ANKS1B: variants seen among roughly 807,000 people sequenced by gnomAD.
ANKS1B encodes the protein ankyrin repeat and sterile alpha motif domain containing 1B.
ANKS1B carries 36 observed loss-of-function variants against 148.3 expected under a neutral mutation model. The ratio of observed to expected loss-of-function variants is 0.24; its 90% CI spans 0.19 to 0.32. The LOEUF is 0.32. Ranked by LOEUF, ANKS1B falls within the 10% of genes least tolerant of loss-of-function variation. ANKS1B has a pLI of 1.00. For missense variants in ANKS1B, 1,157 were observed against 1,542.6 expected (o/e 0.75, Z 4.19); for synonymous variants, 542 against 560.8 (o/e 0.97, Z 0.47).
rs386377539 is a variant in ANKS1B, at chr12:99,088,838, G to GTTTTTTTTT, written c.2527-3824_2527-3816dup. Among the ~76,000 whole-genome samples the GTTTTTTTTT allele has an allele frequency of 7.7e-3, 535 of 69,826 alleles. 19 individuals are homozygous for GTTTTTTTTT. Among genetic ancestry groups the GTTTTTTTTT allele is most frequent in the Middle Eastern group, 0.014 (1 of 70 alleles). 45.8% of individuals were successfully genotyped at this position (69,826 alleles called of 152,430 possible). A position where few individuals can be genotyped will look rare whatever the true frequency, so the allele number is the denominator to read the frequency against. ...GCTAGCAAATCTCAGTTTAACTTCT[G>GTTTTTTTTT]TTTTTTTTTTTTTTTTTTTTTTTTG... On this transcript the variant is annotated intron_variant, in intron 15 of 26. Coordinates refer to ENST00000683438, the MANE Select transcript of ANKS1B (RefSeq NM_001352186.2).
intron 24 of ANKS1B, among the ~76,000 whole-genome samples, chr12:98,773,836 C>T (rs530230705): frequency 6.6e-6 from 1 of 152,332 alleles, no homozygotes; most frequent in African/African-American, 2.4e-5. Context: ...TGCAGCACTG[C>T]TTTCTGCTAA....
chr12:99,627,386 G>A (rs1472964250), intron 9 of ANKS1B, among the ~76,000 whole-genome samples: 1 of 152,170 alleles, frequency 6.6e-6, no homozygotes, highest in Non-Finnish European at 1.5e-5. Flanking sequence ...CAGGTTTTCT[G>A]TTAGGCACTT....
intron 9 of ANKS1B, among the ~76,000 whole-genome samples, chr12:99,520,050 A>G (rs2096859983): frequency 6.6e-6 from 1 of 152,094 alleles, no homozygotes; most frequent in Non-Finnish European, 1.5e-5. Flanking sequence ...TGTAGTTGTT[A>G]TTTTTGATTG....
intron 2 of ANKS1B, 34 bp from the exon 3 acceptor site, chr12:99,812,345 C>T (rs781258649): frequency 1.9e-6 from 3 of 1,595,288 alleles, no homozygotes; most frequent in Non-Finnish European, 8.5e-7. Flanking sequence ...ACAAAATAGG[C>T]TGAGCAAGAC....
intron 14 of ANKS1B, among the ~76,000 whole-genome samples, chr12:99,236,141 G>A (rs376756625): frequency 1.9e-4 from 29 of 152,320 alleles, no homozygotes; most frequent in South Asian, 1.2e-3. Flanking sequence ...ATTCCCTAAT[G>A]TTAGCAGTTG....
At chr12:99,612,592 G>A (rs773342175) in intron 9 of ANKS1B, among the ~76,000 whole-genome samples, 1 of 152,082 alleles carries the variant, frequency 6.6e-6, no homozygotes, top group South Asian at 2.1e-4. Context: ...CAAGCACCAT[G>A]AGAGGTTCTT....
chr12:99,931,040 T>C (rs2094599982), intron 1 of ANKS1B, among the ~76,000 whole-genome samples: 2 of 152,246 alleles, frequency 1.3e-5, no homozygotes, highest in South Asian at 2.1e-4. Flanking sequence ...ATGTCCTTTG[T>C]AGGGACATGG....
chr12:98,991,122 G>C (rs867046908), intron 17 of ANKS1B, among the ~76,000 whole-genome samples: 3 of 152,200 alleles, frequency 2.0e-5, no homozygotes, highest in Non-Finnish European at 4.4e-5. Context: ...GATGAACACT[G>C]ACATGTGTGA....
At position 99,162,004 on chromosome 12, in the gene ANKS1B, G is replaced by A. The variant is rs990175991; in HGVS notation, c.2420-7609C>T. On this transcript the variant is annotated intron_variant, in intron 14 of 26. Transcript: ENST00000683438. The stretch of plus-strand genomic sequence containing the variant: ...TTACTTGACAATAAAAATAAATGAA[G>A]TGCTGATATATGCTGCAAATTGCAT... 6.2e-4 allele frequency among the ~76,000 whole-genome samples: 94 copies of A among 151,898 alleles called. 1 individual carries two copies. Among genetic ancestry groups the A allele is most frequent in the African/African-American group, 2.2e-3 (91 of 41,326 alleles).
Position 99,137,626 on chromosome 12 carries a change from A to T in ANKS1B, c.2526+16663T>A, listed in dbSNP as rs530895779. Among the ~76,000 whole-genome samples, 3 of 150,572 alleles carry T rather than the reference A, an allele frequency of 2.0e-5. No individual in the cohort carries two copies. The South Asian group carries it at 6.4e-4, about 32-fold the overall frequency. ...ATCGCCTGGCCCCTGTTTGGTAAAA[A>T]CCTCCTTGGTTTTATGTATTTCCTC... On this transcript the variant is annotated intron_variant, in intron 15 of 26. Coordinates refer to ENST00000683438, the MANE Select transcript of ANKS1B (RefSeq NM_001352186.2).
At chr12:99,139,281 CTTCT>C (rs1482884388) in intron 15 of ANKS1B, among the ~76,000 whole-genome samples, 15 of 134,816 alleles carry the variant, frequency 1.1e-4, no homozygotes, top group Non-Finnish European at 2.4e-4. Context: ...TCCTTTCTTC[CTTCT>C]TTCTTCTCTT....
chr12:98,979,258 C>T (rs190246430), intron 17 of ANKS1B, among the ~76,000 whole-genome samples: 3,808 of 151,514 alleles, frequency 0.025, 56 homozygotes, highest in Non-Finnish European at 0.04. Context: ...GTATCATTTT[C>T]TATTTTTTAA....
intron 11 of ANKS1B, among the ~76,000 whole-genome samples, chr12:99,412,091 C>A (rs1011816708): frequency 6.6e-6 from 1 of 151,632 alleles, no homozygotes; most frequent in African/African-American, 2.4e-5. Flanking sequence ...TTCAAGTATT[C>A]CATTTTTAAA....
chr12:98,804,766 A>G (rs1317146754), intron 20 of ANKS1B, among the ~76,000 whole-genome samples: 2 of 152,232 alleles, frequency 1.3e-5, no homozygotes, highest in Admixed American at 6.5e-5. Flanking sequence ...TGCCTCATAC[A>G]TAAAATCATT....
intron 25 of ANKS1B, among the ~76,000 whole-genome samples, chr12:98,760,807 ATGT>A (rs1308581145): frequency 6.6e-6 from 1 of 152,204 alleles, no homozygotes; most frequent in African/African-American, 2.4e-5. Flanking sequence ...CAAGTGAAAA[ATGT>A]TGTTACGTGG....
At chr12:99,847,663 A>G (rs1230042841) in intron 1 of ANKS1B, among the ~76,000 whole-genome samples, 1 of 152,208 alleles carries the variant, frequency 6.6e-6, no homozygotes, top group Non-Finnish European at 1.5e-5. Context: ...AAAAATGAAC[A>G]GTTTTCCCTT....
At chr12:98,872,113 A>G (rs771227991) in intron 17 of ANKS1B, among the ~76,000 whole-genome samples, 1 of 152,238 alleles carries the variant, frequency 6.6e-6, no homozygotes, top group African/African-American at 2.4e-5. Context: ...CAGTTATACC[A>G]TTAGTTCAAA....
chr12:99,786,033 C>T (rs2064979137), intron 4 of ANKS1B, among the ~76,000 whole-genome samples: 1 of 152,054 alleles, frequency 6.6e-6, no homozygotes, highest in Non-Finnish European at 1.5e-5. Flanking sequence ...TATTTTTTCC[C>T]TTCCTTAAAA....
chr12:99,109,754 T>C (rs1263803734), intron 15 of ANKS1B, among the ~76,000 whole-genome samples: 1 of 152,216 alleles, frequency 6.6e-6, no homozygotes, highest in African/African-American at 2.4e-5. Context: ...TTTGTCTTTA[T>C]GCACTTACCC....
Sources: allele counts gnomAD v4.1 joint callset (sites outside exome capture counted in the v4.1 genomes callset), GRCh38; gene constraint gnomAD v4.1.1; transcripts MANE v1.5; gene names NCBI Gene and HGNC (gene_info 2026-07-23, HGNC 2026-07-21).